The following NMNAT2 variants were observed in gnomAD, a reference collection of about 807,000 sequenced individuals.
NMNAT2 encodes the protein nicotinamide/nicotinic acid mononucleotide adenylyltransferase 2.
A neutral mutation model predicts 41.6 loss-of-function variants in NMNAT2; 11 were observed. That is an observed-to-expected ratio of 0.26 (90% CI 0.17 to 0.44). The LOEUF is 0.44. NMNAT2 is among the 20% of genes least tolerant of loss of function. NMNAT2 has a pLI of 1.00. For synonymous variants in NMNAT2, 148 were observed against 151.2 expected, an observed-to-expected ratio of 0.98 and a Z score of 0.16; for missense variants, 288 against 407.7, an observed-to-expected ratio of 0.71 and a Z score of 2.53.
At chr1:183,379,361 T>C (rs1008745897) in intron 1 of NMNAT2, among the ~76,000 whole-genome samples, 9 of 151,850 alleles carry the variant, frequency 5.9e-5, no homozygotes, top group Admixed American at 1.3e-4. Flanking sequence ...TTTTGTTTTT[T>C]GTAGAGATGA....
At chr1:183,364,128 G>A (rs1403113130) in intron 1 of NMNAT2, among the ~76,000 whole-genome samples, 1 of 152,176 alleles carries the variant, frequency 6.6e-6, no homozygotes, top group Non-Finnish European at 1.5e-5. Flanking sequence ...ACTGCACTTA[G>A]TCACTAATTT....
chr1:183,319,158 C>T (rs1232844382), intron 1 of NMNAT2, among the ~76,000 whole-genome samples: 1 of 152,200 alleles, frequency 6.6e-6, no homozygotes, highest in Non-Finnish European at 1.5e-5. Flanking sequence ...CCTGACTCCA[C>T]TGGAAACTGG....
rs1178880163 is a variant in NMNAT2 at position 183,273,726 on chromosome 1, CTTTCTTTCTTTCTT to C, written c.651+4813_651+4826del. Among the ~76,000 whole-genome samples the C allele has an allele frequency of 4.6e-5, 7 of 152,016 alleles. No individual in the cohort carries two copies. The East Asian group carries it at 1.3e-3, about 29-fold the overall frequency. ...GCCAGCTCTATTTTTCTTTCTTTCT[CTTTCTTTCTTTCTT>C]TTTCTCTCTTTTTTCCCTCCCTTCC... is the stretch of plus-strand genomic sequence containing the variant. On this transcript the variant is annotated intron_variant, in intron 8 of 10. Coordinates refer to ENST00000287713, the MANE Select transcript of NMNAT2 (RefSeq NM_015039.4).
intron 1 of NMNAT2, among the ~76,000 whole-genome samples, chr1:183,389,804 GAAAGAAAGAAAGAAAGAA>G (rs1648399180): frequency 1.6e-5 from 1 of 62,636 alleles, no homozygotes; most frequent in African/African-American, 5.3e-5. Flanking sequence ...AAGAAAGAAA[GAAAGAAAGAAAGAAAGAA>G]AGAAAGAAAG....
intron 10 of NMNAT2, among the ~76,000 whole-genome samples, chr1:183,253,752 C>T (rs1329103893): frequency 6.6e-6 from 1 of 152,186 alleles, no homozygotes; most frequent in Non-Finnish European, 1.5e-5. Flanking sequence ...TATTCTCTAT[C>T]TGTGTATTTA....
chr1:183,411,266 C>T (rs1649109068), intron 1 of NMNAT2, among the ~76,000 whole-genome samples: 1 of 152,146 alleles, frequency 6.6e-6, no homozygotes, highest in Non-Finnish European at 1.5e-5. Context: ...GGCAGTAAGT[C>T]TACCATAGAC....
intron 7 of NMNAT2, among the ~76,000 whole-genome samples, chr1:183,280,200 T>C (rs1348622267): frequency 2.0e-5 from 3 of 152,196 alleles, no homozygotes; most frequent in Non-Finnish European, 4.4e-5. Flanking sequence ...TCTCGGATTC[T>C]GTTGTTCCTC....
At chr1:183,291,159 C>T (rs770660161) in intron 3 of NMNAT2, among the ~76,000 whole-genome samples, 24 of 152,112 alleles carry the variant, frequency 1.6e-4, no homozygotes, top group Non-Finnish European at 2.8e-4. Context: ...TCAGGTGATC[C>T]GCCCACTTCG....
Position 183,293,688 on chromosome 1 carries a change from C to T in NMNAT2, c.174+17G>A. On this transcript the variant is annotated intron_variant, in intron 2 of 10. Coordinates refer to ENST00000287713, the MANE Select transcript of NMNAT2 (RefSeq NM_015039.4). Reference sequence around the variant, plus strand: ...GGACGGGGATTGAAGAGGAGAGGGGCACAGGAAGGAACCCACCTGTTTTCC... The same window carrying T: ...GGACGGGGATTGAAGAGGAGAGGGGTACAGGAAGGAACCCACCTGTTTTCC... 6.3e-7 allele frequency: 1 copy of T among 1,578,592 alleles called. No individual in the cohort carries two copies. The highest frequency in any genetic ancestry group is 8.7e-7 in the Non-Finnish European group (1 of 1,147,568).
chr1:183,285,719 G>A (rs1661383172), intron 5 of NMNAT2, among the ~76,000 whole-genome samples: 2 of 152,136 alleles, frequency 1.3e-5, no homozygotes, highest in Admixed American at 1.3e-4. Context: ...TTCTACTTTT[G>A]AGCTGTGTGA....
At chr1:183,315,776 T>A (rs1662234460) in intron 1 of NMNAT2, among the ~76,000 whole-genome samples, 1 of 89,526 alleles carries the variant, frequency 1.1e-5, no homozygotes, top group African/African-American at 4.6e-5. Context: ...GCAGACTCCG[T>A]GTAAAAAAAA....
intron 1 of NMNAT2, among the ~76,000 whole-genome samples, chr1:183,401,113 C>T (rs1378459678): frequency 6.6e-6 from 1 of 152,168 alleles, no homozygotes; most frequent in Non-Finnish European, 1.5e-5. Context: ...AAACTGCCAT[C>T]AGAGTTAACA....
At chr1:183,347,634 C>A (rs1239738364) in intron 1 of NMNAT2, among the ~76,000 whole-genome samples, 2 of 152,132 alleles carry the variant, frequency 1.3e-5, no homozygotes, top group Non-Finnish European at 2.9e-5. Flanking sequence ...GTTTTTAAAG[C>A]CCTCAGCACT....
chr1:183,358,357 C>T (rs1663240586), intron 1 of NMNAT2, among the ~76,000 whole-genome samples: 1 of 152,062 alleles, frequency 6.6e-6, no homozygotes, highest in Non-Finnish European at 1.5e-5. Context: ...ACAACAAACC[C>T]CCGTGACTTG....
At chr1:183,304,063 C>T (rs192010084) in intron 1 of NMNAT2, among the ~76,000 whole-genome samples, 5 of 152,354 alleles carry the variant, frequency 3.3e-5, no homozygotes, top group Non-Finnish European at 7.4e-5. Flanking sequence ...TCAGCATCTT[C>T]CCAGGCCTGT....
At chr1:183,326,120 A>G (rs1480495186) in intron 1 of NMNAT2, among the ~76,000 whole-genome samples, 1 of 152,172 alleles carries the variant, frequency 6.6e-6, no homozygotes, top group Non-Finnish European at 1.5e-5. Flanking sequence ...TCATGCCTGT[A>G]CTTCCAACAC....
At chr1:183,286,842 A>G in intron 4 of NMNAT2, 54 bp from the exon 5 acceptor site, 1 of 1,568,138 alleles carries the variant, frequency 6.4e-7, no homozygotes, top group African/African-American at 1.3e-5. Flanking sequence ...AATCGTTTCA[A>G]AGTTATCTCC....
At chr1:183,371,907 G>A (rs1041389544) in intron 1 of NMNAT2, among the ~76,000 whole-genome samples, 2 of 152,068 alleles carry the variant, frequency 1.3e-5, no homozygotes, top group Non-Finnish European at 2.9e-5. Flanking sequence ...AGCCTCCTGA[G>A]TAGCTGGGAC....
In NMNAT2 at chr1:183,251,855, T is replaced by TTGCTGCTGC. The variant is rs61148033; in HGVS notation, c.*777_*785dup. On this transcript the variant is annotated 3_prime_UTR_variant, in exon 11 of 11. Transcript: ENST00000287713. ...CGAAAATCTCACTCCTGATCAAAGG[T>TTGCTGCTGC]TGCTGCTGCTGCTGCTGCTGCTGCT... 1.1e-3 allele frequency: 185 copies of TTGCTGCTGC among 163,302 alleles called. 10 individuals are homozygous for TTGCTGCTGC. Among genetic ancestry groups the TTGCTGCTGC allele is most frequent in the African/African-American group, 4.1e-3 (170 of 41,464 alleles). 10.1% of individuals were successfully genotyped at this position (163,302 alleles called of 1,614,324 possible). A position where few individuals can be genotyped will look rare whatever the true frequency, so the allele number is the denominator to read the frequency against.
Sources: allele counts gnomAD v4.1 joint callset (sites outside exome capture counted in the v4.1 genomes callset), GRCh38; gene constraint gnomAD v4.1.1; transcripts MANE v1.5; gene names NCBI Gene and HGNC (gene_info 2026-07-23, HGNC 2026-07-21).